ALG14: variants seen among roughly 807,000 people sequenced by gnomAD.
ALG14 encodes ALG14 UDP-N-acetylglucosaminyltransferase subunit.
In ALG14, 17 loss-of-function variants were observed where a neutral mutation model predicts 22.8. That is an observed-to-expected ratio of 0.75 (90% CI 0.51 to 1.12). The LOEUF (loss-of-function observed/expected upper bound fraction) is 1.12, where lower values mean the gene tolerates loss of function less well. Ranked by LOEUF, ALG14 falls within the 50% of genes most tolerant of loss-of-function variation. The pLI is 0.00. For synonymous variants in ALG14, 89 were observed against 103.7 expected, an observed-to-expected ratio of 0.86 and a Z score of 0.86; for missense variants, 288 against 271.8, an observed-to-expected ratio of 1.06 and a Z score of -0.42.
At chr1:95,064,541 C>G (rs1006911948) in intron 2 of ALG14, among the ~76,000 whole-genome samples, 1 of 152,072 alleles carries the variant, frequency 6.6e-6, no homozygotes, top group East Asian at 1.9e-4. Flanking sequence ...GAGATAATTA[C>G]GTCGTTTTTG....
At chr1:95,003,390 T>C (rs931226861) in intron 3 of ALG14, among the ~76,000 whole-genome samples, 1 of 151,846 alleles carries the variant, frequency 6.6e-6, no homozygotes, top group South Asian at 2.1e-4. Context: ...TCCACAGTGG[T>C]TGTGGACTTT....
In ALG14 at chr1:94,980,499, A is replaced by C. The variant is rs1234185341; in HGVS notation, c.*2577T>G. ...AACAGTCTCCTACAGTAAAAGTTGC[A>C]TTCAGAGTGTTCTAAGAGAAACTGG... On this transcript the variant is annotated 3_prime_UTR_variant, in exon 4 of 4. Coordinates refer to ENST00000370205, the MANE Select transcript of ALG14 (RefSeq NM_144988.4). 6.6e-6 allele frequency: 1 copy of C among 152,228 alleles called. No homozygotes were observed. The highest frequency in any genetic ancestry group is 1.5e-5 in the Non-Finnish European group (1 of 68,042). The allele number at this position is 152,228 out of a possible 1,614,324, so 9.4% of individuals were successfully genotyped here.
intron 2 of ALG14, among the ~76,000 whole-genome samples, chr1:95,051,488 T>C (rs1256224153): frequency 1.3e-5 from 2 of 152,176 alleles, no homozygotes; most frequent in Non-Finnish European, 2.9e-5. Flanking sequence ...TTCAGTTTAG[T>C]CAGCGACTAA....
chr1:95,022,587 CACATT>C (rs1308547130), intron 3 of ALG14, among the ~76,000 whole-genome samples: 1 of 152,194 alleles, frequency 6.6e-6, no homozygotes, highest in Admixed American at 6.5e-5. Context: ...ATTATTTTAA[CACATT>C]ATAGAGGACT....
At chr1:95,038,206 C>T (rs980108929) in intron 2 of ALG14, among the ~76,000 whole-genome samples, 7 of 151,830 alleles carry the variant, frequency 4.6e-5, no homozygotes, top group South Asian at 4.2e-4. Flanking sequence ...TGGCCACGCG[C>T]GGTGGCTTAC....
At chr1:94,987,914 G>C (rs532209867) in intron 3 of ALG14, among the ~76,000 whole-genome samples, 2 of 152,324 alleles carry the variant, frequency 1.3e-5, no homozygotes, top group Non-Finnish European at 2.9e-5. Context: ...CAGAGAAGCA[G>C]AGTCCAACTC....
chr1:95,013,059 C>A (rs1431501192), intron 3 of ALG14, among the ~76,000 whole-genome samples: 3 of 151,124 alleles, frequency 2.0e-5, no homozygotes, highest in Non-Finnish European at 4.4e-5. Context: ...TTGCTTGAAC[C>A]TGTGAGGCAG....
intron 1 of ALG14, among the ~76,000 whole-genome samples, chr1:95,066,558 C>T (rs946764785): frequency 2.0e-5 from 3 of 151,960 alleles, no homozygotes; most frequent in East Asian, 1.9e-4. Context: ...GAAAGGATTT[C>T]GTTCTAGATC....
intron 2 of ALG14, among the ~76,000 whole-genome samples, chr1:95,046,319 A>G (rs918791512): frequency 2.0e-5 from 3 of 152,196 alleles, no homozygotes; most frequent in Non-Finnish European, 4.4e-5. Flanking sequence ...AGCCAGCATT[A>G]CCACCTGAGC....
At chr1:94,992,562 A>G (rs1363117608) in intron 3 of ALG14, among the ~76,000 whole-genome samples, 1 of 152,154 alleles carries the variant, frequency 6.6e-6, no homozygotes, top group Non-Finnish European at 1.5e-5. Context: ...GGAGGGTTGA[A>G]GAGGAGGGGG....
At chr1:95,068,761 C>G (rs901308738) in intron 1 of ALG14, among the ~76,000 whole-genome samples, 4 of 152,066 alleles carry the variant, frequency 2.6e-5, no homozygotes, top group African/African-American at 9.7e-5. Context: ...TGATACCTTC[C>G]TACCCTCAAT....
chr1:95,037,707 T>C (rs187323473), intron 2 of ALG14, among the ~76,000 whole-genome samples: 1 of 152,330 alleles, frequency 6.6e-6, no homozygotes, highest in Admixed American at 6.5e-5. Context: ...TCACTTGAAG[T>C]TGAAGCACCC....
At position 94,979,520 on chromosome 1, in the gene ALG14, T is replaced by C. The variant is rs1039961253; in HGVS notation, c.*3556A>G. Reference sequence around the variant, plus strand: ...GGGACTGAAAAGGAAAGGGTAGATATGAACTAAGTCAAAGGCAGAATCAAT... The same window carrying C: ...GGGACTGAAAAGGAAAGGGTAGATACGAACTAAGTCAAAGGCAGAATCAAT... On this transcript the variant is annotated 3_prime_UTR_variant, in exon 4 of 4. Coordinates refer to ENST00000370205, the MANE Select transcript of ALG14 (RefSeq NM_144988.4). 2 of 151,954 alleles carry C rather than the reference T, an allele frequency of 1.3e-5. No individual in the cohort carries two copies. Among genetic ancestry groups the C allele is most frequent in the African/African-American group, 4.8e-5 (2 of 41,370 alleles). The allele number at this position is 151,954 out of a possible 1,614,324, so 9.4% of individuals were successfully genotyped here. A position where few individuals can be genotyped will look rare whatever the true frequency, so the allele number is the denominator to read the frequency against.
At chr1:95,064,300 A>G (rs929623691) in intron 2 of ALG14, among the ~76,000 whole-genome samples, 2 of 152,228 alleles carry the variant, frequency 1.3e-5, no homozygotes, top group African/African-American at 4.8e-5. Context: ...TGCCCTGGCC[A>G]GAACTTCCAA....
rs1571564880 is a variant in ALG14, at chr1:94,976,211, A to G, written c.*6865T>C. On this transcript the variant is annotated 3_prime_UTR_variant, in exon 4 of 4. Transcript: ENST00000370205. ...AACGCAGGTACATTATGCTTATTTTACAGAAAGGTCAAGTAACTTGCCAGA... is the reference window on the plus strand; with the variant it reads ...AACGCAGGTACATTATGCTTATTTTGCAGAAAGGTCAAGTAACTTGCCAGA... 3.9e-5 allele frequency: 6 copies of G among 152,188 alleles called. No individual in the cohort carries two copies. The South Asian group carries it at 1.2e-3, about 32-fold the overall frequency. The allele number at this position is 152,188 out of a possible 1,614,324, so 9.4% of individuals were successfully genotyped here.
intron 2 of ALG14, among the ~76,000 whole-genome samples, chr1:95,057,810 G>T (rs1331873564): frequency 2.6e-5 from 4 of 151,794 alleles, no homozygotes; most frequent in Non-Finnish European, 4.4e-5. Flanking sequence ...TGTAGACATG[G>T]ACTGATTAAA....
chr1:94,993,619 T>C (rs914928346), intron 3 of ALG14, among the ~76,000 whole-genome samples: 1 of 152,122 alleles, frequency 6.6e-6, no homozygotes, highest in Non-Finnish European at 1.5e-5. Flanking sequence ...TCTCAGACCA[T>C]GGCCAAATGG....
In ALG14 at chr1:95,072,800, G is replaced by C. The variant is rs753097749; in HGVS notation, c.99C>G (p.Pro33=). Residue 33 remains proline (P), a synonymous_variant, in exon 1 of 4, where the codon CCC becomes CCG. Coordinates refer to ENST00000370205, the MANE Select transcript of ALG14 (RefSeq NM_144988.4). ...CTACCAAGATACTGAGAGACTCCCGGGGCGTAACGTCCATGGAACGAAGCA... is the reference window on the plus strand; with the variant it reads ...CTACCAAGATACTGAGAGACTCCCGCGGCGTAACGTCCATGGAACGAAGCA... The part of the protein sequence containing the change: ...WVVLRSMDVT[P]RESLSILVVA... 7 of 1,614,154 alleles carry C rather than the reference G, an allele frequency of 4.3e-6. No homozygotes were observed. The East Asian group carries it at 1.3e-4, about 31-fold the overall frequency.
chr1:95,023,384 A>G (rs947120789), intron 3 of ALG14, among the ~76,000 whole-genome samples: 1 of 152,192 alleles, frequency 6.6e-6, no homozygotes, highest in Non-Finnish European at 1.5e-5. Flanking sequence ...TTGGCCTCCC[A>G]AAGTGCTGGA....
Sources: allele counts gnomAD v4.1 joint callset (sites outside exome capture counted in the v4.1 genomes callset), GRCh38; gene constraint gnomAD v4.1.1; transcripts MANE v1.5; gene names NCBI Gene and HGNC (gene_info 2026-07-23, HGNC 2026-07-21).